The following ANKRD36 variants were observed in gnomAD, a reference collection of about 807,000 sequenced individuals.
ANKRD36 encodes the protein ankyrin repeat domain 36.
Under a neutral mutation model 278.1 loss-of-function variants are expected in ANKRD36, and 179 were observed. That is an observed-to-expected ratio of 0.64 (90% CI 0.57 to 0.73). The LOEUF (loss-of-function observed/expected upper bound fraction) is 0.73. ANKRD36 is among the 30% of genes least tolerant of loss of function. The probability of loss-of-function intolerance (pLI) is 0.00; values close to 1 mark genes in which losing one functional copy is unlikely to be tolerated. For synonymous variants in ANKRD36, 320 were observed against 641.1 expected (o/e 0.50, Z 7.57); for missense variants, 1,159 against 1,956.7 (o/e 0.59, Z 7.69).
chr2:97,230,916 TCTGCCTGGGTATCAGCAGTGGTGG>T (rs1258771858), intron 67 of ANKRD36, among the ~76,000 whole-genome samples: 1 of 152,104 alleles, frequency 6.6e-6, no homozygotes, highest in Non-Finnish European at 1.5e-5. Context: ...CCAGACCCTG[TCTGCCTGGGTATCAGCAGTGGTGG>T]CTGCAGAACA....
At chr2:97,125,194 T>G (rs2038226311) in intron 5 of ANKRD36, among the ~76,000 whole-genome samples, 2 of 151,738 alleles carry the variant, frequency 1.3e-5, no homozygotes, top group Admixed American at 1.3e-4. Context: ...GATTAACCTT[T>G]GCTACCAGCA....
Position 97,113,784 on chromosome 2 carries a change from C to T in ANKRD36, c.45C>T (p.Arg15=). The T allele has an allele frequency of 6.2e-7, 1 of 1,613,014 alleles. No homozygotes were observed. Among genetic ancestry groups the T allele is most frequent in the Non-Finnish European group, 8.5e-7 (1 of 1,179,998 alleles). ...AGAGGTGGCCCACCCTCATGGAGCG[C>T]TTGTGCTCGGATGGCTTCGCATTTC... ...KRERWPTLME[R]LCSDGFAFPQ... is the part of the protein sequence containing the mutation. The change falls in exon 1 of 76, where the codon CGC becomes CGT. Residue 15 remains arginine (R), a synonymous_variant. Transcript: ENST00000420699.
intron 12 of ANKRD36, among the ~76,000 whole-genome samples, chr2:97,150,686 G>A (rs1222965689): frequency 1.3e-5 from 2 of 151,554 alleles, no homozygotes; most frequent in Non-Finnish European, 2.9e-5. Flanking sequence ...AAAGGAAATA[G>A]GAGAGGTGGA....
intron 6 of ANKRD36, among the ~76,000 whole-genome samples, chr2:97,128,826 G>T (rs2039301188): frequency 6.6e-6 from 1 of 152,054 alleles, no homozygotes; most frequent in African/African-American, 2.4e-5. Context: ...AGTAGTAACT[G>T]GAACCAGCTT....
At position 97,118,411 on chromosome 2, in the gene ANKRD36, C is replaced by T. The variant is rs368604219; in HGVS notation, c.380C>T (p.Thr127Met). 7.2e-5 allele frequency: 115 copies of T among 1,607,488 alleles called. 3 individuals are homozygous for T. The highest frequency in any genetic ancestry group is 6.8e-4 in the African/African-American group (51 of 74,764). The change falls in exon 3 of 76, where the codon ACG becomes ATG. Residue 127 changes from threonine (T) to methionine (M), a missense_variant. Transcript: ENST00000420699. ...LLQNGANPNI[T>M]DFFGRTALHY... is the part of the protein sequence containing the mutation. The stretch of plus-strand genomic sequence containing the variant: ...CAAAATGGCGCCAATCCAAATATTA[C>T]GGATTTCTTTGGAAGGACTGCTCTG...
At chr2:97,195,022 G>C in intron 40 of ANKRD36, 105 bp downstream of exon 40, 1 of 1,440,900 alleles carries the variant, frequency 6.9e-7, no homozygotes. Context: ...TTCTGATTCA[G>C]CAGGCCTGAG....
At chr2:97,118,041 A>C in intron 1 of ANKRD36, 23 bp from the exon 2 acceptor site, 1 of 1,544,414 alleles carries the variant, frequency 6.5e-7, no homozygotes, top group Non-Finnish European at 8.7e-7. Context: ...TACATGTTTT[A>C]AAAAGTCCTG....
At chr2:97,208,776 A>G (rs2063563705) in intron 54 of ANKRD36, among the ~76,000 whole-genome samples, 1 of 146,514 alleles carries the variant, frequency 6.8e-6, no homozygotes, top group Non-Finnish European at 1.5e-5. Flanking sequence ...CTCGTGGATA[A>G]AATAGCTATT....
In ANKRD36 at chr2:97,185,319, C is replaced by T; in HGVS notation, c.1943C>T (p.Ser648Phe). The T allele has an allele frequency of 1.2e-6, 2 of 1,604,950 alleles. No individual in the cohort carries two copies. Among genetic ancestry groups the T allele is most frequent in the Non-Finnish European group, 1.7e-6 (2 of 1,172,678 alleles). The change falls in exon 29 of 76, where the codon TCT (serine) becomes TTT (phenylalanine). Residue 648 changes from serine to phenylalanine, a missense_variant. Physicochemically the swap from Ser to Phe is radical, Grantham distance 155 (BLOSUM62 -2). Transcript: ENST00000420699. ...IMGGGKSGTV[S>F]SQKQPASKAT... ...ATGTATCCCTTTTGCTTTTCAGTGT[C>T]TTCTCAGAAACAACCAGCCTCAAAG...
chr2:97,192,100 T>A (rs1016547920), intron 36 of ANKRD36, among the ~76,000 whole-genome samples: 7 of 151,750 alleles, frequency 4.6e-5, no homozygotes, highest in African/African-American at 1.4e-4. Flanking sequence ...ATGTAAAACT[T>A]AATAATATCT....
chr2:97,169,357 C>G (rs926535478), intron 22 of ANKRD36, among the ~76,000 whole-genome samples: 2 of 152,302 alleles, frequency 1.3e-5, no homozygotes, highest in Non-Finnish European at 2.9e-5. Context: ...AGCCTTTTGT[C>G]AGATGGAGAG....
At chr2:97,206,562 G>T (rs527943766) in intron 52 of ANKRD36, among the ~76,000 whole-genome samples, 173 of 151,540 alleles carry the variant, frequency 1.1e-3, no homozygotes, top group African/African-American at 4.0e-3. Context: ...GAGACCCCTG[G>T]TGTAGCAATC....
chr2:97,258,794 ATTCT>A (rs1432141341), intron 75 of ANKRD36, among the ~76,000 whole-genome samples: 2 of 116,702 alleles, frequency 1.7e-5, no homozygotes, highest in African/African-American at 6.0e-5. Flanking sequence ...TGTTTTCAGT[ATTCT>A]TTGTTTTTCA....
Position 97,205,900 on chromosome 2 carries a change from A to G in ANKRD36, c.3062-40A>G, listed in dbSNP as rs752215053. The G allele has an allele frequency of 1.3e-5, 20 of 1,528,202 alleles. No individual in the cohort carries two copies. The African/African-American group carries it at 2.1e-4, about 16-fold the overall frequency. The allele number at this position is 1,528,202 out of a possible 1,614,324, so 94.7% of individuals were successfully genotyped here. A position where few individuals can be genotyped will look rare whatever the true frequency, so the allele number is the denominator to read the frequency against. Reference sequence around the variant, plus strand: ...TTGAATGTATGGATATCTTTATCATATTTACATATGACTGATTATGAATCA... The same window carrying G: ...TTGAATGTATGGATATCTTTATCATGTTTACATATGACTGATTATGAATCA... On this transcript the variant is annotated intron_variant, in intron 50 of 75. Transcript: ENST00000420699.
At position 97,198,609 on chromosome 2, in the gene ANKRD36, T is replaced by G; in HGVS notation, c.2706T>G (p.Ser902=). 6.5e-7 allele frequency: 1 copy of G among 1,545,470 alleles called. No individual in the cohort carries two copies. Among genetic ancestry groups the G allele is most frequent in the South Asian group, 1.2e-5 (1 of 83,602 alleles). ...GLKASSAEKD[S]VLNIARGKKD... is the part of the protein sequence containing the mutation. The stretch of plus-strand genomic sequence containing the variant: ...AGGCTTCAAGTGCCGAGAAAGATTC[T>G]GTTTTGAATATAGCCAGAGGAAAAA... The change falls in exon 44 of 76, where the codon TCT becomes TCG. Residue 902 remains serine (S), a synonymous_variant. Coordinates refer to ENST00000420699, the MANE Select transcript of ANKRD36 (RefSeq NM_001354587.1).
chr2:97,138,394 C>T (rs544453549), intron 6 of ANKRD36, among the ~76,000 whole-genome samples: 2 of 151,962 alleles, frequency 1.3e-5, no homozygotes, highest in South Asian at 4.2e-4. Context: ...TTTGAAGGAC[C>T]TCTTTAAGGA....
chr2:97,186,644 A>G (rs1015081759), intron 30 of ANKRD36, among the ~76,000 whole-genome samples: 1 of 151,810 alleles, frequency 6.6e-6, no homozygotes, highest in African/African-American at 2.4e-5. Flanking sequence ...ATTTACTCGG[A>G]TTAAGGAAAC....
In ANKRD36 at chr2:97,240,992, T is replaced by G. The variant is rs1243655252; in HGVS notation, c.4094-274T>G. Among the ~76,000 whole-genome samples the G allele has an allele frequency of 2.9e-3, 409 of 140,364 alleles. 1 individual carries two copies. Among genetic ancestry groups the G allele is most frequent in the African/African-American group, 0.011 (377 of 34,784 alleles). 92.1% of individuals were successfully genotyped at this position (140,364 alleles called of 152,430 possible). A position where few individuals can be genotyped will look rare whatever the true frequency, so the allele number is the denominator to read the frequency against. On this transcript the variant is annotated intron_variant, in intron 68 of 75. Coordinates refer to ENST00000420699, the MANE Select transcript of ANKRD36 (RefSeq NM_001354587.1). The stretch of plus-strand genomic sequence containing the variant: ...CAATCACATAACTATGTTTTTTTTT[T>G]TTTTTTTTTTTTTTTTTTTTTTTTT...
intron 75 of ANKRD36, among the ~76,000 whole-genome samples, chr2:97,256,272 G>A (rs1240284176): frequency 1.3e-5 from 2 of 150,032 alleles, no homozygotes; most frequent in African/African-American, 2.4e-5. Context: ...TAGGAGAATT[G>A]CTTGAACCTG....
Sources: gnomAD v4.1 joint callset for allele counts (sites outside exome capture counted in the v4.1 genomes callset) on GRCh38, gnomAD v4.1.1 for gene constraint, MANE v1.5 for transcripts, NCBI Gene and HGNC (gene_info 2026-07-23, HGNC 2026-07-21) for gene names.